NAV3: variants seen among roughly 807,000 people sequenced by gnomAD.
NAV3 encodes the protein neuron navigator 3.
A neutral mutation model predicts 244.7 loss-of-function variants in NAV3; 87 were observed. The ratio of observed to expected loss-of-function variants is 0.36; its 90% CI spans 0.30 to 0.42. The LOEUF (loss-of-function observed/expected upper bound fraction) is 0.42. Among genes scored for constraint, NAV3 ranks in the 20% least tolerant of loss-of-function variants. The probability of loss-of-function intolerance (pLI) is 1.00; values close to 1 mark genes in which losing one functional copy is unlikely to be tolerated. For missense variants in NAV3, 2,663 were observed against 2,893.3 expected (o/e 0.92, Z 1.83); for synonymous variants, 1,126 against 1,042.2 (o/e 1.08, Z -1.55).
chr12:77,674,943 T>C (rs1874143265), intron 2 of NAV3, among the ~76,000 whole-genome samples: 1 of 152,180 alleles, frequency 6.6e-6, no homozygotes, highest in Non-Finnish European at 1.5e-5. Flanking sequence ...AGAACAAATG[T>C]CATGTCTTTA....
At chr12:78,136,262 A>G (rs906234865) in intron 18 of NAV3, among the ~76,000 whole-genome samples, 2 of 152,196 alleles carry the variant, frequency 1.3e-5, no homozygotes, top group Admixed American at 6.5e-5. Context: ...TTTCTCATAT[A>G]CCAGTAACAA....
At chr12:77,983,379 C>A (rs532390274) in intron 5 of NAV3, among the ~76,000 whole-genome samples, 3 of 152,210 alleles carry the variant, frequency 2.0e-5, no homozygotes, top group African/African-American at 7.2e-5. Flanking sequence ...ACAATCATCA[C>A]GTCTCTACTT....
chr12:77,742,435 T>C (rs1161312700), intron 2 of NAV3, among the ~76,000 whole-genome samples: 4 of 152,088 alleles, frequency 2.6e-5, no homozygotes, highest in Non-Finnish European at 5.9e-5. Context: ...TTTTGACAAA[T>C]ACATTGGAAA....
At chr12:77,918,148 T>G (rs1441880175) in intron 1 of NAV3, among the ~76,000 whole-genome samples, 1 of 152,052 alleles carries the variant, frequency 6.6e-6, no homozygotes, top group African/African-American at 2.4e-5. Context: ...TGGTTAACTG[T>G]GATATTACAC....
chr12:78,185,833 C>T (rs1251659180), intron 31 of NAV3, 135 bp downstream of exon 31: 4 of 684,524 alleles, frequency 5.8e-6, no homozygotes, highest in Non-Finnish European at 4.8e-6. Flanking sequence ...ACATGTCATA[C>T]AAACATGAAA....
At position 77,932,379 on chromosome 12, in the gene NAV3, G is replaced by T. The variant is rs576472773; in HGVS notation, c.244-7940G>T. ...TCATACTTTCTGAGCCATTCTGGGGGTCTGTGGGAAAATCTGTTTGCATTA... is the reference window on the plus strand; with the variant it reads ...TCATACTTTCTGAGCCATTCTGGGGTTCTGTGGGAAAATCTGTTTGCATTA... On this transcript the variant is annotated intron_variant, in intron 1 of 39. Coordinates refer to ENST00000397909, the MANE Select transcript of NAV3 (RefSeq NM_001024383.2). 4.6e-5 allele frequency among the ~76,000 whole-genome samples: 7 copies of T among 152,168 alleles called. No individual in the cohort carries two copies. In the South Asian group the frequency reaches 1.2e-3, roughly 27 times the overall value.
chr12:77,574,001 G>T (rs1171130122), intron 2 of NAV3, among the ~76,000 whole-genome samples: 2 of 152,262 alleles, frequency 1.3e-5, no homozygotes, highest in African/African-American at 4.8e-5. Context: ...ACACAAAACT[G>T]CTCAGCTCAT....
chr12:77,758,564 TACTTTTATTACC>T (rs1869306282), intron 2 of NAV3, among the ~76,000 whole-genome samples: 1 of 152,242 alleles, frequency 6.6e-6, no homozygotes, highest in African/African-American at 2.4e-5. Context: ...TTTGTATTTA[TACTTTTATTACC>T]CAAGTAACCA....
rs755066674 is a variant in NAV3, at chr12:78,175,357, G to A, written c.5033G>A (p.Ser1678Asn). The A allele has an allele frequency of 3.1e-6, 5 of 1,611,626 alleles. No individual in the cohort carries two copies. Among genetic ancestry groups the A allele is most frequent in the East Asian group, 4.5e-5 (2 of 44,686 alleles). The change falls in exon 25 of 40, where the codon AGT becomes AAT. Residue 1678 changes from serine to asparagine, a missense_variant. Coordinates refer to ENST00000397909, the MANE Select transcript of NAV3 (RefSeq NM_001024383.2). ...HSSESVSSINSATSHSSIGSG... is the reference protein window; with the variant it reads ...HSSESVSSINNATSHSSIGSG... ...TCTGAAAGTGTTTCTAGTATCAACA[G>A]TGCCACAAGCCATTCCAGTATTGGC...
At chr12:78,021,684 C>T (rs941067157) in intron 8 of NAV3, 63 bp from the exon 9 acceptor site, 4 of 1,100,778 alleles carry the variant, frequency 3.6e-6, no homozygotes, top group African/African-American at 1.6e-5. Context: ...GTAGAACTTC[C>T]ACTTTGATGA....
intron 2 of NAV3, among the ~76,000 whole-genome samples, chr12:77,637,737 C>T (rs11106077): frequency 0.045 from 6,880 of 152,064 alleles, 274 homozygotes; most frequent in African/African-American, 0.1. Flanking sequence ...CTTCTAAATG[C>T]CTAATTTAAT....
At chr12:78,094,917 C>T (rs534022202) in intron 12 of NAV3, among the ~76,000 whole-genome samples, 4 of 151,500 alleles carry the variant, frequency 2.6e-5, no homozygotes, top group East Asian at 3.9e-4. Flanking sequence ...TGTGGTGGCA[C>T]GTGCCTGTAG....
chr12:78,126,632 A>G (rs920627930), intron 16 of NAV3, among the ~76,000 whole-genome samples: 3 of 152,006 alleles, frequency 2.0e-5, no homozygotes, highest in Non-Finnish European at 2.9e-5. Context: ...AAATGATACT[A>G]GAATCAATTA....
chr12:77,868,499 C>A (rs2136422001), intron 1 of NAV3, among the ~76,000 whole-genome samples: 1 of 152,038 alleles, frequency 6.6e-6, no homozygotes, highest in South Asian at 2.1e-4. Context: ...CTCGCACCTG[C>A]AATCCCAGCA....
chr12:77,602,698 A>C (rs1036924587), intron 2 of NAV3, among the ~76,000 whole-genome samples: 9 of 151,816 alleles, frequency 5.9e-5, no homozygotes, highest in African/African-American at 2.2e-4. Context: ...CGATTTCACT[A>C]CTCTACTCCC....
Position 78,007,396 on chromosome 12 carries a change from C to G in NAV3, c.1858C>G (p.Gln620Glu), listed in dbSNP as rs2136601087. Residue 620 changes from glutamine to glutamate, a missense_variant, in exon 8 of 40, where the codon CAG becomes GAG. This residue lies in a region of NAV3 where 1,521 missense variants were observed against 1,497.0 expected (regional missense o/e 1.02). Coordinates refer to ENST00000397909, the MANE Select transcript of NAV3 (RefSeq NM_001024383.2). ...GNGAVQLPQQ[Q>E]QHSHPNTATV... ...TGGTGCTGTCCAACTCCCTCAACAG[C>G]AGCAACATAGCCACCCGAATACCGC... The G allele has an allele frequency of 6.2e-7, 1 of 1,614,130 alleles. No individual in the cohort carries two copies. The highest frequency in any genetic ancestry group is 1.1e-5 in the South Asian group (1 of 91,086).
chr12:77,668,516 GAAC>G (rs1873821218), intron 2 of NAV3, among the ~76,000 whole-genome samples: 1 of 151,984 alleles, frequency 6.6e-6, no homozygotes, highest in African/African-American at 2.4e-5. Flanking sequence ...CAATAGAATT[GAAC>G]AACAAGAAGA....
chr12:78,078,821 C>T (rs1953202732), intron 12 of NAV3, among the ~76,000 whole-genome samples: 1 of 152,014 alleles, frequency 6.6e-6, no homozygotes, highest in African/African-American at 2.4e-5. Flanking sequence ...ATTTGGTTTC[C>T]CCTCCCTTCA....
At chr12:77,637,075 C>T (rs1872190699) in intron 2 of NAV3, among the ~76,000 whole-genome samples, 1 of 151,984 alleles carries the variant, frequency 6.6e-6, no homozygotes, top group Admixed American at 6.6e-5. Flanking sequence ...ACCACCATGG[C>T]ACATGTATAC....
Sources: allele counts gnomAD v4.1 joint callset (sites outside exome capture counted in the v4.1 genomes callset), GRCh38; gene constraint gnomAD v4.1.1; regional missense constraint gnomAD v4.1.1; transcripts MANE v1.5; gene names NCBI Gene and HGNC (gene_info 2026-07-23, HGNC 2026-07-21).